Variants in GPC6 observed in about 807,000 individuals in gnomAD.
GPC6 encodes the protein glypican 6.
A neutral mutation model predicts 55.2 loss-of-function variants in GPC6; 14 were observed. That is an observed-to-expected ratio of 0.25 (90% CI 0.17 to 0.40). GPC6 has a LOEUF of 0.40. Ranked by LOEUF, GPC6 falls within the 10% of genes least tolerant of loss-of-function variation. The probability of loss-of-function intolerance (pLI) is 1.00; values close to 1 mark genes in which losing one functional copy is unlikely to be tolerated. For synonymous variants in GPC6, 278 were observed against 259.6 expected (o/e 1.07, Z -0.68); for missense variants, 641 against 708.5 (o/e 0.90, Z 1.08).
intron 2 of GPC6, among the ~76,000 whole-genome samples, chr13:93,717,297 T>C (rs1883284914): frequency 6.6e-6 from 1 of 151,700 alleles, no homozygotes; most frequent in South Asian, 2.1e-4. Flanking sequence ...ATTTATTTGG[T>C]TTTTAAAATT....
At chr13:93,957,977 T>C (rs1337918579) in intron 3 of GPC6, among the ~76,000 whole-genome samples, 1 of 152,198 alleles carries the variant, frequency 6.6e-6, no homozygotes, top group Non-Finnish European at 1.5e-5. Context: ...ATGATGACCA[T>C]TTTTCCATAT....
chr13:94,064,418 C>T (rs1884444535), intron 4 of GPC6, among the ~76,000 whole-genome samples: 2 of 152,250 alleles, frequency 1.3e-5, no homozygotes, highest in South Asian at 2.1e-4. Flanking sequence ...ATACCAGCTC[C>T]GTAGCTCGAA....
intron 3 of GPC6, among the ~76,000 whole-genome samples, chr13:94,001,141 T>C (rs942262257): frequency 1.2e-4 from 19 of 152,138 alleles, no homozygotes; most frequent in African/African-American, 4.1e-4. Context: ...CAGCAAACAT[T>C]TATTGAACAC....
chr13:94,079,167 A>G (rs1885022067), intron 4 of GPC6, among the ~76,000 whole-genome samples: 2 of 152,112 alleles, frequency 1.3e-5, no homozygotes, highest in African/African-American at 4.8e-5. Context: ...CATAGATTGC[A>G]TGCAAATATA....
At chr13:93,753,047 C>T (rs1240189361) in intron 2 of GPC6, among the ~76,000 whole-genome samples, 1 of 152,120 alleles carries the variant, frequency 6.6e-6, no homozygotes, top group Non-Finnish European at 1.5e-5. Context: ...ACTGAAAGAG[C>T]CTGAGTAGGG....
intron 2 of GPC6, among the ~76,000 whole-genome samples, chr13:93,555,801 C>T (rs968079161): frequency 2.6e-5 from 4 of 152,124 alleles, no homozygotes; most frequent in Non-Finnish European, 5.9e-5. Context: ...TTGCTGGGTT[C>T]AACACCAGAG....
chr13:93,318,923 C>T (rs1034538547), intron 1 of GPC6, among the ~76,000 whole-genome samples: 1 of 152,118 alleles, frequency 6.6e-6, no homozygotes, highest in African/African-American at 2.4e-5. Context: ...TACTGGAGTG[C>T]CCTTACTCTA....
intron 4 of GPC6, among the ~76,000 whole-genome samples, chr13:94,236,106 A>G (rs995146538): frequency 2.6e-5 from 4 of 152,128 alleles, no homozygotes; most frequent in African/African-American, 9.7e-5. Context: ...GAGTTTAATA[A>G]CTGCTATCTG....
At position 93,483,738 on chromosome 13, in the gene GPC6, G is replaced by A. The variant is rs1366052801; in HGVS notation, c.161-61525G>A. ...TAATTAATCATTCGGCAATAAGAATGCGGCTCATGGTAGAAACAGTGTTTC... is the reference window on the plus strand; with the variant it reads ...TAATTAATCATTCGGCAATAAGAATACGGCTCATGGTAGAAACAGTGTTTC... On this transcript the variant is annotated intron_variant, in intron 1 of 8. Transcript: ENST00000377047. Among the ~76,000 whole-genome samples the A allele has an allele frequency of 3.3e-5, 5 of 152,284 alleles. No homozygotes were observed. In the East Asian group the frequency reaches 9.6e-4, roughly 29 times the overall value.
intron 4 of GPC6, among the ~76,000 whole-genome samples, chr13:94,261,135 G>A (rs548735376): frequency 6.2e-4 from 95 of 152,152 alleles, no homozygotes; most frequent in African/African-American, 2.1e-3. Flanking sequence ...TTAGCCAGGC[G>A]TGGTGGTGGG....
intron 3 of GPC6, among the ~76,000 whole-genome samples, chr13:93,930,058 T>TA (rs1046051607): frequency 1.2e-3 from 181 of 151,124 alleles, no homozygotes; most frequent in Admixed American, 3.7e-3. Flanking sequence ...AAAATAAATT[T>TA]AAAAAAAAAT....
At position 93,231,348 on chromosome 13, in the gene GPC6, TATATATATA is replaced by T. The variant is rs1566533286; in HGVS notation, c.160+3733_160+3741del. On this transcript the variant is annotated intron_variant, in intron 1 of 8. Transcript: ENST00000377047. ...ATATATACGTATATATATATATACA[TATATATATA>T]TACGTATATATATATATATATACAT... Among the ~76,000 whole-genome samples the T allele has an allele frequency of 1.3e-3, 42 of 33,474 alleles. 1 individual carries two copies. The highest frequency in any genetic ancestry group is 6.0e-3 in the African/African-American group (37 of 6,184). 22.0% of individuals were successfully genotyped at this position (33,474 alleles called of 152,430 possible).
chr13:94,006,831 A>C (rs557563876), intron 3 of GPC6, among the ~76,000 whole-genome samples: 296 of 152,210 alleles, frequency 1.9e-3, no homozygotes, highest in Admixed American at 4.6e-3. Context: ...AAATATATTA[A>C]AGTTTTTCAA....
chr13:94,251,126 A>G (rs1484416729), intron 4 of GPC6, among the ~76,000 whole-genome samples: 1 of 152,148 alleles, frequency 6.6e-6, no homozygotes, highest in African/African-American at 2.4e-5. Flanking sequence ...CTATGCAGCC[A>G]TAAAAAGGAA....
At chr13:93,569,671 A>G (rs1364813616) in intron 2 of GPC6, among the ~76,000 whole-genome samples, 1 of 152,120 alleles carries the variant, frequency 6.6e-6, no homozygotes, top group Non-Finnish European at 1.5e-5. Context: ...CTTAATAACT[A>G]ATATTAATAG....
chr13:93,353,112 T>A (rs1051918244), intron 1 of GPC6, among the ~76,000 whole-genome samples: 2 of 152,144 alleles, frequency 1.3e-5, no homozygotes, highest in African/African-American at 4.8e-5. Flanking sequence ...GGTGTGAAAT[T>A]TGGGAAGGAT....
intron 1 of GPC6, among the ~76,000 whole-genome samples, chr13:93,259,618 T>C (rs1877069161): frequency 6.6e-6 from 1 of 152,142 alleles, no homozygotes; most frequent in African/African-American, 2.4e-5. Context: ...CTGTGAGTTC[T>C]TTTTCCAGTC....
At chr13:93,736,841 A>G (rs1884020977) in intron 2 of GPC6, among the ~76,000 whole-genome samples, 1 of 152,232 alleles carries the variant, frequency 6.6e-6, no homozygotes. Context: ...TTCACAAAAT[A>G]CACTGTTAAG....
intron 4 of GPC6, among the ~76,000 whole-genome samples, chr13:94,074,158 A>T (rs975289453): frequency 6.6e-6 from 1 of 152,206 alleles, no homozygotes; most frequent in African/African-American, 2.4e-5. Context: ...TTTGACAAAA[A>T]TCTTCAATAG....
Sources: gnomAD v4.1 joint callset for allele counts (sites outside exome capture counted in the v4.1 genomes callset) on GRCh38, gnomAD v4.1.1 for gene constraint, MANE v1.5 for transcripts, NCBI Gene and HGNC (gene_info 2026-07-23, HGNC 2026-07-21) for gene names.